Variants in GHITM observed in about 807,000 individuals in gnomAD.
The protein encoded by GHITM is growth hormone inducible transmembrane protein.
Under a neutral mutation model 38.7 loss-of-function variants are expected in GHITM, and 24 were observed. The observed-to-expected ratio is 0.62, with a 90% confidence interval of 0.45 to 0.87. The LOEUF is 0.87. Ranked by LOEUF, GHITM falls within the 40% of genes least tolerant of loss-of-function variation. The pLI is 0.00. For missense variants in GHITM, 420 were observed against 429.8 expected, an observed-to-expected ratio of 0.98 and a Z score of 0.20; for synonymous variants, 154 against 147.8, an observed-to-expected ratio of 1.04 and a Z score of -0.30.
chr10:84,147,743 A>G (rs537522079), intron 5 of GHITM, among the ~76,000 whole-genome samples: 1 of 152,290 alleles, frequency 6.6e-6, no homozygotes, highest in South Asian at 2.1e-4. Flanking sequence ...TATTTCCATT[A>G]CATGTTAATA....
Position 84,148,825 on chromosome 10 carries a change from G to A in GHITM, c.579G>A (p.Trp193Ter). 1 of 1,601,266 alleles carries A rather than the reference G, an allele frequency of 6.2e-7. No homozygotes were observed. Among genetic ancestry groups the A allele is most frequent in the South Asian group, 1.1e-5 (1 of 90,794 alleles). Residue 193 changes from tryptophan to a stop codon, truncating the protein, a stop_gained, in exon 6 of 9, where the codon TGG becomes TGA. Coordinates refer to ENST00000372134, the MANE Select transcript of GHITM (RefSeq NM_014394.3). LOFTEE classifies it high-confidence loss of function. ...GCCCAGGCCCAAAGCATCTTGCTTG[G>A]TTGCTACATTCTGGTATGTTCTGTT... ...DQSPGPKHLAWLLHSGVMGAV... is the reference protein window; with the variant it reads ...DQSPGPKHLA
chr10:84,144,725 G>A (rs914123361), intron 4 of GHITM, 150 bp from the exon 5 acceptor site: 2 of 510,348 alleles, frequency 3.9e-6, no homozygotes, highest in Non-Finnish European at 3.5e-6. Flanking sequence ...TCCCAAGTAT[G>A]CATAATTATC....
chr10:84,141,752 A>G (rs906838292), intron 2 of GHITM, 123 bp downstream of exon 2: 10 of 836,782 alleles, frequency 1.2e-5, no homozygotes, highest in African/African-American at 3.3e-5. Context: ...AATATCCCCA[A>G]TCAGCTCTTT....
chr10:84,147,202 G>A (rs918560498), intron 5 of GHITM, among the ~76,000 whole-genome samples: 2 of 152,168 alleles, frequency 1.3e-5, no homozygotes, highest in African/African-American at 4.8e-5. Context: ...GAAATAGTTT[G>A]TAGTAATTAT....
At chr10:84,140,020 GC>G (rs1841490534) in intron 1 of GHITM, 2 of 152,320 alleles carry the variant, frequency 1.3e-5, no homozygotes, top group South Asian at 4.1e-4. Context: ...GGAGGCATAA[GC>G]CCTTGGATTA....
intron 8 of GHITM, among the ~76,000 whole-genome samples, chr10:84,151,438 G>A (rs1841611319): frequency 6.6e-6 from 1 of 152,068 alleles, no homozygotes. Context: ...GTCTATTTTT[G>A]TGAGCCAGTG....
chr10:84,146,919 A>G (rs1322041078), intron 5 of GHITM, among the ~76,000 whole-genome samples: 1 of 152,240 alleles, frequency 6.6e-6, no homozygotes, highest in Admixed American at 6.5e-5. Context: ...AGTTTGTCCC[A>G]AGTGCATCTG....
Position 84,144,857 on chromosome 10 carries a change from A to G in GHITM, c.342-18A>G, listed in dbSNP as rs759577824. 10 of 1,537,540 alleles carry G rather than the reference A, an allele frequency of 6.5e-6. No individual in the cohort carries two copies. Among genetic ancestry groups the G allele is most frequent in the Non-Finnish European group, 8.9e-6 (10 of 1,129,460 alleles). ...AAATCTGTAATTTCATAGATTAATCATGTCATGTTTCTTACAGAATTTGGC... is the reference window on the plus strand; with the variant it reads ...AAATCTGTAATTTCATAGATTAATCGTGTCATGTTTCTTACAGAATTTGGC... On this transcript the variant is annotated intron_variant, in intron 4 of 8. Transcript: ENST00000372134.
At chr10:84,148,424 G>A (rs941628627) in intron 5 of GHITM, among the ~76,000 whole-genome samples, 3 of 152,114 alleles carry the variant, frequency 2.0e-5, no homozygotes, top group African/African-American at 7.2e-5. Flanking sequence ...AGCCTCCCAA[G>A]TAGCTGGGAC....
intron 5 of GHITM, among the ~76,000 whole-genome samples, chr10:84,148,327 C>T (rs1250660379): frequency 6.6e-6 from 1 of 151,970 alleles, no homozygotes; most frequent in Admixed American, 6.6e-5. Context: ...GAGTCTCGCT[C>T]TGTCACCCAG....
intron 5 of GHITM, 96 bp downstream of exon 5, chr10:84,145,112 G>T: frequency 1.1e-6 from 1 of 878,972 alleles, no homozygotes. Context: ...AAAGAATACT[G>T]TATTGAACAA....
intron 2 of GHITM, among the ~76,000 whole-genome samples, chr10:84,142,354 A>G (rs116869887): frequency 0.016 from 2,392 of 152,350 alleles, 34 homozygotes; most frequent in Non-Finnish European, 0.026. Flanking sequence ...AAATATAACA[A>G]TTCTAGGTAT....
At chr10:84,141,740 A>G (rs771079111) in intron 2 of GHITM, 111 bp downstream of exon 2, 2 of 946,744 alleles carry the variant, frequency 2.1e-6, no homozygotes, top group Non-Finnish European at 3.4e-6. Context: ...GTTAGCCCTG[A>G]TAATATCCCC....
At chr10:84,146,056 A>T (rs937287668) in intron 5 of GHITM, among the ~76,000 whole-genome samples, 6 of 152,198 alleles carry the variant, frequency 3.9e-5, no homozygotes, top group Non-Finnish European at 1.5e-5. Context: ...AGAAAATTTT[A>T]AAAATTAAAA....
chr10:84,149,533 G>A (rs1190076550), intron 6 of GHITM, among the ~76,000 whole-genome samples: 2 of 88,484 alleles, frequency 2.3e-5, no homozygotes, highest in Non-Finnish European at 2.3e-5. Flanking sequence ...TGAATTACTG[G>A]TAAATTTTTT....
chr10:84,142,317 C>G (rs1425958238), intron 2 of GHITM, among the ~76,000 whole-genome samples: 1 of 152,158 alleles, frequency 6.6e-6, no homozygotes, highest in African/African-American at 2.4e-5. Flanking sequence ...CTAACAGATT[C>G]TCACCCTGGT....
Position 84,153,563 on chromosome 10 carries a change from T to A in GHITM, c.*1215T>A, listed in dbSNP as rs900958733. 3.3e-5 allele frequency among the ~76,000 whole-genome samples: 5 copies of A among 152,212 alleles called. No individual in the cohort carries two copies. Among genetic ancestry groups the A allele is most frequent in the Admixed American group, 3.3e-4 (5 of 15,284 alleles). On this transcript the variant is annotated 3_prime_UTR_variant, in exon 9 of 9. Transcript: ENST00000372134. ...GAAGTCTTTAATGAAGGGAAAGAAG[T>A]CTGTATGATGACTGAGGTGATTGCT...
chr10:84,145,941 A>G (rs889353438), intron 5 of GHITM, among the ~76,000 whole-genome samples: 2 of 152,186 alleles, frequency 1.3e-5, no homozygotes, highest in Non-Finnish European at 2.9e-5. Context: ...CACACCTGTA[A>G]TCTCAGCGTT....
chr10:84,149,160 T>C (rs2132742196), intron 6 of GHITM, among the ~76,000 whole-genome samples: 1 of 152,304 alleles, frequency 6.6e-6, no homozygotes, highest in East Asian at 1.9e-4. Flanking sequence ...GTCTGGTATG[T>C]TTAGAAAAAT....
Sources: gnomAD v4.1 joint callset for allele counts (sites outside exome capture counted in the v4.1 genomes callset) on GRCh38, gnomAD v4.1.1 for gene constraint, MANE v1.5 for transcripts, NCBI Gene and HGNC (gene_info 2026-07-23, HGNC 2026-07-21) for gene names.